Variants in MED13L observed in about 807,000 individuals in gnomAD.
MED13L encodes mediator complex subunit 13L, also known as mediator of RNA polymerase II transcription subunit 13-like.
MED13L carries 7 observed loss-of-function variants against 220.9 expected under a neutral mutation model. The ratio of observed to expected loss-of-function variants is 0.03; its 90% CI spans 0.02 to 0.06. The LOEUF (loss-of-function observed/expected upper bound fraction) is 0.06, where lower values mean the gene tolerates loss of function less well. Among genes scored for constraint, MED13L ranks in the 10% least tolerant of loss-of-function variants. The pLI is 1.00. For missense variants in MED13L, 1,965 were observed against 2,760.5 expected (o/e 0.71, Z 6.46); for synonymous variants, 1,011 against 1,015.2 (o/e 1.00, Z 0.08).
rs181909938 is a variant in MED13L at position 115,959,459 on chromosome 12, T to C, written c.*1807A>G. Reference sequence around the variant, plus strand: ...CCAAAGTGGTAAAAGATTACAAATATCTACTTTACAATTTGTCTTCTCACC... The same window carrying C: ...CCAAAGTGGTAAAAGATTACAAATACCTACTTTACAATTTGTCTTCTCACC... On this transcript the variant is annotated 3_prime_UTR_variant, in exon 31 of 31. Transcript: ENST00000281928. The C allele has an allele frequency of 9.2e-5, 14 of 152,684 alleles. No individual in the cohort carries two copies. The highest frequency in any genetic ancestry group is 8.8e-5 in the Non-Finnish European group (6 of 68,022). The allele number at this position is 152,684 out of a possible 1,614,324, so 9.5% of individuals were successfully genotyped here. A position where few individuals can be genotyped will look rare whatever the true frequency, so the allele number is the denominator to read the frequency against.
At chr12:116,227,713 C>G (rs1012224929) in intron 2 of MED13L, among the ~76,000 whole-genome samples, 3 of 152,088 alleles carry the variant, frequency 2.0e-5, no homozygotes, top group African/African-American at 7.2e-5. Context: ...TCTCCTCAAG[C>G]CTAGTTGCTA....
At chr12:116,100,492 C>T (rs922181761) in intron 3 of MED13L, among the ~76,000 whole-genome samples, 33 of 147,796 alleles carry the variant, frequency 2.2e-4, no homozygotes, top group Middle Eastern at 3.7e-3. Context: ...CCCACCTACT[C>T]GGGAGGCTGG....
At chr12:115,984,936 T>A (rs1877585775) in intron 19 of MED13L, among the ~76,000 whole-genome samples, 1 of 152,048 alleles carries the variant, frequency 6.6e-6, no homozygotes, top group Non-Finnish European at 1.5e-5. Flanking sequence ...AAATGGGTGC[T>A]TATGGCAGGG....
At chr12:116,067,906 G>A (rs1050534146) in intron 4 of MED13L, among the ~76,000 whole-genome samples, 3 of 152,178 alleles carry the variant, frequency 2.0e-5, no homozygotes, top group Admixed American at 2.0e-4. Flanking sequence ...GATTATTCAT[G>A]GCAACTTATT....
rs1190575496 is a variant in MED13L at position 116,006,539 on chromosome 12, C to T, written c.2239-128G>A. 10 of 776,496 alleles carry T rather than the reference C, an allele frequency of 1.3e-5. No individual in the cohort carries two copies. In the East Asian group the frequency reaches 2.6e-4, roughly 20 times the overall value. 48.1% of individuals were successfully genotyped at this position (776,496 alleles called of 1,614,324 possible). A position where few individuals can be genotyped will look rare whatever the true frequency, so the allele number is the denominator to read the frequency against. ...GAGCACAAGTATGATAAACCATGGTCTATGCAACCAAAGGAAGTAAAAGAT... is the reference window on the plus strand; with the variant it reads ...GAGCACAAGTATGATAAACCATGGTTTATGCAACCAAAGGAAGTAAAAGAT... On this transcript the variant is annotated intron_variant, in intron 11 of 30. Transcript: ENST00000281928.
At chr12:116,270,778 C>G (rs1873235916) in intron 1 of MED13L, among the ~76,000 whole-genome samples, 2 of 151,836 alleles carry the variant, frequency 1.3e-5, no homozygotes, top group East Asian at 1.9e-4. Context: ...CGCGGTGGCT[C>G]GAGCCTGTAA....
chr12:115,972,574 T>C (rs1029325960), intron 25 of MED13L: 2 of 339,490 alleles, frequency 5.9e-6, no homozygotes, highest in Non-Finnish European at 1.1e-5. Context: ...GCCCTATCCT[T>C]TCTCCTCCTT....
chr12:116,215,768 A>C (rs1436008900), intron 2 of MED13L, among the ~76,000 whole-genome samples: 2 of 152,174 alleles, frequency 1.3e-5, no homozygotes, highest in Non-Finnish European at 2.9e-5. Flanking sequence ...AATACACAAA[A>C]CACCAATTTA....
rs916411971 is a variant in MED13L at position 116,132,263 on chromosome 12, G to C, written c.311-20751C>G. On this transcript the variant is annotated intron_variant, in intron 2 of 30. Coordinates refer to ENST00000281928, the MANE Select transcript of MED13L (RefSeq NM_015335.5). ...GCATTGCACTCCAGCCTGGGCAAGA[G>C]AGCAATACTTCGTCTCAAAAAAAAA... Among the ~76,000 whole-genome samples, 5 of 130,820 alleles carry C rather than the reference G, an allele frequency of 3.8e-5. No individual in the cohort carries two copies. The East Asian group carries it at 1.1e-3, about 30-fold the overall frequency. 85.8% of individuals were successfully genotyped at this position (130,820 alleles called of 152,430 possible).
chr12:116,021,834 A>C (rs187315756), intron 5 of MED13L, among the ~76,000 whole-genome samples: 1 of 152,316 alleles, frequency 6.6e-6, no homozygotes, highest in Admixed American at 6.5e-5. Context: ...AAGATTTGTA[A>C]TGCTCAGATC....
Position 115,970,620 on chromosome 12 carries a change from T to C in MED13L, c.6041A>G (p.Asn2014Ser), listed in dbSNP as rs1876516896. Residue 2014 changes from asparagine (N) to serine (S), a missense_variant, in exon 27 of 31, where the codon AAT becomes AGT. By Grantham distance (46) the Asn-to-Ser change is conservative (BLOSUM62 1). This residue lies in a region of MED13L where 145 missense variants were observed against 328.3 expected (regional missense o/e 0.44). Transcript: ENST00000281928. ...ATTGTTGGGGCTAAACCCATCTTCA[T>C]TGGGGTAGTTGGCTGGAGCCACCTG... ...TIQVAPANYP[N>S]EDGFSPNNDD... 1.2e-6 allele frequency: 2 copies of C among 1,613,844 alleles called. No individual in the cohort carries two copies. Among genetic ancestry groups the C allele is most frequent in the Non-Finnish European group, 1.7e-6 (2 of 1,179,802 alleles).
At chr12:115,971,198 A>T (rs1269469031) in intron 26 of MED13L, among the ~76,000 whole-genome samples, 2 of 152,192 alleles carry the variant, frequency 1.3e-5, no homozygotes, top group African/African-American at 4.8e-5. Context: ...CATTTGTGCT[A>T]AACTCTTCAT....
At position 116,054,193 on chromosome 12, in the gene MED13L, T is replaced by TACAC. The variant is rs529817189; in HGVS notation, c.480-31596_480-31593dup. 2.3e-4 allele frequency among the ~76,000 whole-genome samples: 34 copies of TACAC among 148,224 alleles called. No homozygotes were observed. The South Asian group carries it at 4.0e-3, about 18-fold the overall frequency. ...CTACTTAGAGTAATTTAACAACTAT[T>TACAC]ACACACACACACACACACAAACACA... On this transcript the variant is annotated intron_variant, in intron 4 of 30. Transcript: ENST00000281928.
chr12:116,264,344 T>TCA (rs1169371064), intron 1 of MED13L, among the ~76,000 whole-genome samples: 2 of 152,244 alleles, frequency 1.3e-5, no homozygotes, highest in Non-Finnish European at 2.9e-5. Flanking sequence ...AGTTCTGATA[T>TCA]GTCTAGTTCA....
intron 1 of MED13L, among the ~76,000 whole-genome samples, chr12:116,271,420 C>T (rs1341501690): frequency 3.3e-5 from 5 of 152,114 alleles, no homozygotes; most frequent in Middle Eastern, 6.8e-3. Flanking sequence ...GAAACCCCAT[C>T]TGTACTAAAC....
At chr12:116,215,663 C>T (rs1025499450) in intron 2 of MED13L, among the ~76,000 whole-genome samples, 1 of 152,160 alleles carries the variant, frequency 6.6e-6, no homozygotes, top group Non-Finnish European at 1.5e-5. Flanking sequence ...CCTTTCCCTA[C>T]AGTGAAGTTG....
At chr12:116,148,810 C>T (rs1352188939) in intron 2 of MED13L, among the ~76,000 whole-genome samples, 1 of 152,024 alleles carries the variant, frequency 6.6e-6, no homozygotes, top group African/African-American at 2.4e-5. Flanking sequence ...AATCAATAAC[C>T]ACACTTTGAA....
intron 4 of MED13L, among the ~76,000 whole-genome samples, chr12:116,078,265 C>A (rs1046776615): frequency 6.6e-6 from 1 of 151,914 alleles, no homozygotes; most frequent in African/African-American, 2.4e-5. Flanking sequence ...AAATGCCAGT[C>A]TCTATGCAAT....
chr12:115,972,051 TAATGAC>T, intron 26 of MED13L, 21 bp downstream of exon 26: 1 of 1,612,258 alleles, frequency 6.2e-7, no homozygotes, highest in Non-Finnish European at 8.5e-7. Context: ...GATATGTAAT[TAATGAC>T]AATGACAAGA....
Sources: gnomAD v4.1 joint callset for allele counts (sites outside exome capture counted in the v4.1 genomes callset) on GRCh38, gnomAD v4.1.1 for gene constraint, gnomAD v4.1.1 regional missense constraint, MANE v1.5 for transcripts, NCBI Gene and HGNC (gene_info 2026-07-23, HGNC 2026-07-21) for gene names.